Variants in BLZF1 observed in about 807,000 individuals in gnomAD.
BLZF1 encodes the protein basic leucine zipper nuclear factor 1, also known as golgin-45.
Under a neutral mutation model 43.8 loss-of-function variants are expected in BLZF1, and 39 were observed. The observed-to-expected ratio is 0.89, with a 90% CI of 0.69 to 1.16. The LOEUF is 1.16. BLZF1 is among the 50% of genes most tolerant of loss of function. BLZF1 has a pLI of 0.00. For missense variants in BLZF1, 449 were observed against 469.8 expected (o/e 0.96, Z 0.41); for synonymous variants, 136 against 159.4 (o/e 0.85, Z 1.11).
rs1173133351 is a variant in BLZF1, at chr1:169,368,238, C to G, written c.-155C>G. ...GGATATGCGGAGGGACTGGGCGGGT[C>G]GGCTTCCGAATGGAAGAGGTCTGTG... is the stretch of plus-strand genomic sequence containing the variant. On this transcript the variant is annotated 5_prime_UTR_variant, in exon 1 of 7. Coordinates refer to ENST00000367808, the MANE Select transcript of BLZF1 (RefSeq NM_001320973.2). 1 of 166,382 alleles carries G rather than the reference C, an allele frequency of 6.0e-6. No individual in the cohort carries two copies. Among genetic ancestry groups the G allele is most frequent in the Non-Finnish European group, 1.3e-5 (1 of 74,778 alleles). The allele number at this position is 166,382 out of a possible 1,614,324, so 10.3% of individuals were successfully genotyped here.
At chr1:169,374,930 C>G (rs1403507900) in intron 2 of BLZF1, among the ~76,000 whole-genome samples, 3 of 151,890 alleles carry the variant, frequency 2.0e-5, no homozygotes, top group Non-Finnish European at 4.4e-5. Context: ...CAATATAAAT[C>G]ATAGGTATTG....
At chr1:169,372,201 G>A (rs1405396929) in intron 2 of BLZF1, among the ~76,000 whole-genome samples, 1 of 149,402 alleles carries the variant, frequency 6.7e-6, no homozygotes, top group Non-Finnish European at 1.5e-5. Context: ...AGGTGATATG[G>A]GTGACATTTA....
chr1:169,376,935 C>G lies in BLZF1; in HGVS notation c.424C>G (p.Gln142Glu). The G allele has an allele frequency of 6.2e-7, 1 of 1,613,136 alleles. No individual in the cohort carries two copies. Among genetic ancestry groups the G allele is most frequent in the Non-Finnish European group, 8.5e-7 (1 of 1,179,474 alleles). The change falls in exon 3 of 7, where the codon CAG (glutamine) becomes GAG (glutamate). Residue 142 changes from glutamine to glutamate, a missense_variant. Transcript: ENST00000367808. Reference sequence around the variant, plus strand: ...CAAGAATTCTGAAAGAAGGTTACTACAGGACAAAGAAGGTCTTTCAAACCA... The same window carrying G: ...CAAGAATTCTGAAAGAAGGTTACTAGAGGACAAAGAAGGTCTTTCAAACCA... The part of the protein sequence containing the change: ...KLKNSERRLL[Q>E]DKEGLSNQLR...
intron 5 of BLZF1, among the ~76,000 whole-genome samples, chr1:169,381,355 A>T (rs1654521512): frequency 6.6e-6 from 1 of 152,136 alleles, no homozygotes; most frequent in East Asian, 1.9e-4. Flanking sequence ...TAACCTGAAT[A>T]GCCCTAACCT....
Position 169,387,324 on chromosome 1 carries a change from C to A in BLZF1, c.*142C>A. 1 of 678,966 alleles carries A rather than the reference C, an allele frequency of 1.5e-6. No homozygotes were observed. The highest frequency in any genetic ancestry group is 2.4e-6 in the Non-Finnish European group (1 of 425,264). The allele number at this position is 678,966 out of a possible 1,614,324, so 42.1% of individuals were successfully genotyped here. ...TATACACCCAAAGATATTTTATGTA[C>A]TAGACTCCAGATTACCCTTTCTTAA... is the stretch of plus-strand genomic sequence containing the variant. On this transcript the variant is annotated 3_prime_UTR_variant, in exon 7 of 7. Coordinates refer to ENST00000367808, the MANE Select transcript of BLZF1 (RefSeq NM_001320973.2).
chr1:169,380,332 C>T (rs978082755), intron 4 of BLZF1, 149 bp from the exon 5 acceptor site: 6 of 625,762 alleles, frequency 9.6e-6, no homozygotes, highest in Non-Finnish European at 1.3e-5. Flanking sequence ...ATTTTTAATG[C>T]TCTTTAGCTA....
intron 6 of BLZF1, among the ~76,000 whole-genome samples, chr1:169,386,628 G>A (rs985273508): frequency 8.2e-5 from 12 of 146,508 alleles, no homozygotes; most frequent in Middle Eastern, 3.7e-3. Context: ...TCAGTGAGCC[G>A]AGATCGCGCC....
At chr1:169,395,278 T>C in intron 7 of BLZF1, 1 of 1,294,626 alleles carries the variant, frequency 7.7e-7, no homozygotes, top group Non-Finnish European at 1.0e-6. Context: ...AAAGTTACTA[T>C]TATAGACAAA....
intron 7 of BLZF1, among the ~76,000 whole-genome samples, chr1:169,395,489 G>A (rs1338906027): frequency 6.6e-6 from 1 of 152,126 alleles, no homozygotes; most frequent in Admixed American, 6.5e-5. Context: ...TATGTGTGCT[G>A]TAGATCCTAT....
Position 169,387,297 on chromosome 1 carries a change from T to A in BLZF1, c.*115T>A. On this transcript the variant is annotated 3_prime_UTR_variant, in exon 7 of 7. Transcript: ENST00000367808. ...ATAATATCACTTCCTATTTACATAA[T>A]GTATACACCCAAAGATATTTTATGT... The A allele has an allele frequency of 1.1e-6, 1 of 881,406 alleles. No individual in the cohort carries two copies. Among genetic ancestry groups the A allele is most frequent in the Non-Finnish European group, 1.7e-6 (1 of 580,774 alleles). The allele number at this position is 881,406 out of a possible 1,614,324, so 54.6% of individuals were successfully genotyped here. A position where few individuals can be genotyped will look rare whatever the true frequency, so the allele number is the denominator to read the frequency against.
chr1:169,392,672 TG>T (rs1052009793), downstream of BLZF1, among the ~76,000 whole-genome samples: 12 of 152,054 alleles, frequency 7.9e-5, no homozygotes, highest in Admixed American at 7.9e-4. Flanking sequence ...GGGATCTGGA[TG>T]GGGGGAAGTT....
intron 2 of BLZF1, 56 bp downstream of exon 2, chr1:169,369,606 G>A: frequency 2.2e-6 from 3 of 1,369,548 alleles, no homozygotes; most frequent in South Asian, 1.2e-5. Context: ...CGATGTGAAG[G>A]AACGTTTGAG....
In BLZF1 at chr1:169,393,551, G is replaced by A. The variant is rs974939290; in HGVS notation, c.*28-2343G>A. Among the ~76,000 whole-genome samples the A allele has an allele frequency of 4.0e-5, 6 of 150,536 alleles. No homozygotes were observed. The South Asian group carries it at 8.6e-4, about 21-fold the overall frequency. ...GTTGCAGTGAGCTGAGATGTGCCAC[G>A]GCACTCCAGCCTGGGAGACTGTGAG... On this transcript the variant is annotated intron_variant, in intron 7 of 7. Transcript: ENST00000329281.
chr1:169,371,416 A>G (rs982749320), intron 2 of BLZF1, among the ~76,000 whole-genome samples: 1 of 152,226 alleles, frequency 6.6e-6, no homozygotes, highest in African/African-American at 2.4e-5. Flanking sequence ...ACTTTAACAA[A>G]CATTATTTTG....
intron 7 of BLZF1, among the ~76,000 whole-genome samples, chr1:169,395,440 C>G (rs1440056368): frequency 6.6e-6 from 1 of 152,170 alleles, no homozygotes; most frequent in East Asian, 1.9e-4. Flanking sequence ...TACAATGAAA[C>G]TGCCAACTTA....
At chr1:169,374,388 T>G (rs948944598) in intron 2 of BLZF1, among the ~76,000 whole-genome samples, 2 of 152,050 alleles carry the variant, frequency 1.3e-5, no homozygotes, top group Non-Finnish European at 2.9e-5. Flanking sequence ...CATGCTTTGT[T>G]TTAACTAATT....
chr1:169,376,861 T>C lies in BLZF1; in HGVS notation c.350T>C (p.Ile117Thr), dbSNP rs773525666. Residue 117 changes from isoleucine to threonine, a missense_variant, in exon 3 of 7, where the codon ATA becomes ACA. Ile to Thr is a moderately conservative substitution (Grantham distance 89, BLOSUM62 -1). Transcript: ENST00000367808. ...TTCCTTGGTCAGTCAGAGGGAGTTATAGAACCTAATAAGGAACTCTCAGAG... is the reference window on the plus strand; with the variant it reads ...TTCCTTGGTCAGTCAGAGGGAGTTACAGAACCTAATAAGGAACTCTCAGAG... ...GEFLGQSEGV[I>T]EPNKELSEVK... 4 of 1,613,144 alleles carry C rather than the reference T, an allele frequency of 2.5e-6. No homozygotes were observed. Among genetic ancestry groups the C allele is most frequent in the Admixed American group, 1.7e-5 (1 of 59,862 alleles).
intron 6 of BLZF1, among the ~76,000 whole-genome samples, chr1:169,384,910 G>A (rs1443763616): frequency 6.6e-6 from 1 of 152,156 alleles, no homozygotes; most frequent in Non-Finnish European, 1.5e-5. Context: ...CTCAAGGTCT[G>A]GCATAATCCC....
At chr1:169,389,386 G>A (rs572620284), downstream of BLZF1, among the ~76,000 whole-genome samples, 6 of 152,246 alleles carry the variant, frequency 3.9e-5, no homozygotes, top group African/African-American at 1.4e-4. Flanking sequence ...CACATCAAAA[G>A]ATGCTCAGCA....
Sources: gnomAD v4.1 joint callset for allele counts (sites outside exome capture counted in the v4.1 genomes callset) on GRCh38, gnomAD v4.1.1 for gene constraint, MANE v1.5 for transcripts, NCBI Gene and HGNC (gene_info 2026-07-23, HGNC 2026-07-21) for gene names.